FAM83B: variants seen among roughly 807,000 people sequenced by gnomAD.
FAM83B encodes scaffolding CK1 anchoring protein B, also known as protein FAM83B.
FAM83B carries 26 observed loss-of-function variants against 38.8 expected under a neutral mutation model. That is an observed-to-expected ratio of 0.67 (90% CI 0.49 to 0.93). The LOEUF (loss-of-function observed/expected upper bound fraction) is 0.93, where lower values mean the gene tolerates loss of function less well. Ranked by LOEUF, FAM83B falls within the 40% of genes least tolerant of loss-of-function variation. The pLI, the probability that FAM83B is intolerant of heterozygous loss-of-function variation, is 0.00. For missense variants in FAM83B, 1,237 were observed against 1,197.3 expected (o/e 1.03, Z -0.49); for synonymous variants, 419 against 423.1 (o/e 0.99, Z 0.12).
intron 4 of FAM83B, among the ~76,000 whole-genome samples, chr6:54,939,273 A>G (rs1773598901): frequency 6.6e-6 from 1 of 152,110 alleles, no homozygotes; most frequent in Non-Finnish European, 1.5e-5. Flanking sequence ...GCCTTGTAGT[A>G]TAATTTGAAG....
chr6:54,927,406 TA>T, intron 3 of FAM83B, 101 bp from the exon 4 acceptor site: 2 of 939,708 alleles, frequency 2.1e-6, no homozygotes, highest in Non-Finnish European at 2.9e-6. Flanking sequence ...TTACCTTAAG[TA>T]AATTTTTTTA....
At position 54,940,498 on chromosome 6, in the gene FAM83B, G is replaced by A. The variant is rs149380682; in HGVS notation, c.1527G>A (p.Pro509=). 84 of 1,613,998 alleles carry A rather than the reference G, an allele frequency of 5.2e-5. 1 individual carries two copies. Among genetic ancestry groups the A allele is most frequent in the South Asian group, 2.3e-4 (21 of 91,076 alleles). ...SYLNDHSEAT[P]DSNGSALGDR... is the part of the protein sequence containing the mutation. ...TAAATGATCATTCAGAAGCTACACC[G>A]GACTCAAATGGATCAGCTTTAGGTG... Residue 509 remains proline, a synonymous_variant, in exon 5 of 5, where the codon CCG becomes CCA. Coordinates refer to ENST00000306858, the MANE Select transcript of FAM83B (RefSeq NM_001010872.3).
intron 2 of FAM83B, among the ~76,000 whole-genome samples, chr6:54,898,202 A>G (rs1772581459): frequency 6.6e-6 from 1 of 152,098 alleles, no homozygotes; most frequent in Non-Finnish European, 1.5e-5. Flanking sequence ...GAGAGAAACA[A>G]CGGGTGCCTG....
rs1172992535 is a variant in FAM83B, at chr6:54,940,794, C to T, written c.1823C>T (p.Ala608Val). 6.2e-7 allele frequency: 1 copy of T among 1,613,894 alleles called. No individual in the cohort carries two copies. The highest frequency in any genetic ancestry group is 1.3e-5 in the African/African-American group (1 of 74,906). The change falls in exon 5 of 5, where the codon GCA (alanine) becomes GTA (valine). Residue 608 changes from alanine (A) to valine (V), a missense_variant. Coordinates refer to ENST00000306858, the MANE Select transcript of FAM83B (RefSeq NM_001010872.3). ...SIPKLPLQSE[A>V]PKMHTLQVPE... ...CCCAAGCTCCCATTGCAGTCAGAGG[C>T]ACCAAAAATGCACACCTTGCAGGTT...
chr6:54,877,206 A>G (rs967315846), intron 2 of FAM83B, among the ~76,000 whole-genome samples: 1 of 152,252 alleles, frequency 6.6e-6, no homozygotes, highest in African/African-American at 2.4e-5. Context: ...AGAAGAGATA[A>G]CTTGACCAGA....
At position 54,940,311 on chromosome 6, in the gene FAM83B, G is replaced by A. The variant is rs573151626; in HGVS notation, c.1340G>A (p.Arg447Gln). Residue 447 changes from arginine to glutamine, a missense_variant, in exon 5 of 5, where the codon CGG (arginine) becomes CAG (glutamine). Arg to Gln is a conservative substitution (Grantham distance 43). Transcript: ENST00000306858. ...HNTPAQSFAN[R>Q]LAQRKTTNLA... ...ACACCTGCCCAGAGTTTTGCCAATCGGCTTGCGCAGAGAAAAACAACAAAT... is the reference window on the plus strand; with the variant it reads ...ACACCTGCCCAGAGTTTTGCCAATCAGCTTGCGCAGAGAAAAACAACAAAT... 5.6e-6 allele frequency: 9 copies of A among 1,614,016 alleles called. No homozygotes were observed. Among genetic ancestry groups the A allele is most frequent in the Admixed American group, 1.7e-5 (1 of 59,972 alleles).
intron 2 of FAM83B, among the ~76,000 whole-genome samples, chr6:54,887,715 A>G (rs1188526298): frequency 6.6e-6 from 1 of 151,840 alleles, no homozygotes; most frequent in African/African-American, 2.4e-5. Flanking sequence ...TTGAAATTAC[A>G]TAACTATTTA....
At chr6:54,855,862 G>A (rs1440708112) in intron 1 of FAM83B, among the ~76,000 whole-genome samples, 1 of 152,118 alleles carries the variant, frequency 6.6e-6, no homozygotes, top group Non-Finnish European at 1.5e-5. Flanking sequence ...TTAAAGAAAT[G>A]AATCATCTTT....
chr6:54,908,353 G>C (rs1301819762), intron 2 of FAM83B, among the ~76,000 whole-genome samples: 1 of 151,756 alleles, frequency 6.6e-6, no homozygotes, highest in East Asian at 1.9e-4. Flanking sequence ...AATAGATAGG[G>C]TTCTTTCATT....
At chr6:54,912,173 A>G (rs939817749) in intron 2 of FAM83B, among the ~76,000 whole-genome samples, 16 of 152,128 alleles carry the variant, frequency 1.1e-4, no homozygotes, top group African/African-American at 3.8e-4. Context: ...AGTGTGATAC[A>G]TAAGGCTGTG....
At chr6:54,874,886 T>C (rs1771954803) in intron 2 of FAM83B, among the ~76,000 whole-genome samples, 1 of 152,150 alleles carries the variant, frequency 6.6e-6, no homozygotes, top group Admixed American at 6.5e-5. Flanking sequence ...CTGAGTCACT[T>C]ACTGAGTTCC....
At chr6:54,847,124 G>A (rs1771157090) in intron 1 of FAM83B, among the ~76,000 whole-genome samples, 2 of 152,174 alleles carry the variant, frequency 1.3e-5, no homozygotes, top group South Asian at 2.1e-4. Context: ...GTCCCCAGAG[G>A]ACTGGCGCCG....
chr6:54,857,590 T>C (rs904912449), intron 1 of FAM83B, among the ~76,000 whole-genome samples: 1 of 152,074 alleles, frequency 6.6e-6, no homozygotes, highest in African/African-American at 2.4e-5. Context: ...AATTTACTTG[T>C]AATGTAAGAG....
chr6:54,905,322 C>A (rs760322916), intron 2 of FAM83B, among the ~76,000 whole-genome samples: 83 of 152,198 alleles, frequency 5.5e-4, no homozygotes, highest in Middle Eastern at 3.4e-3. Flanking sequence ...GCTCTCAGTA[C>A]GTGTGCGATT....
intron 2 of FAM83B, among the ~76,000 whole-genome samples, chr6:54,877,177 G>A (rs758907478): frequency 6.6e-6 from 1 of 152,122 alleles, no homozygotes; most frequent in Non-Finnish European, 1.5e-5. Flanking sequence ...AGTCCAATAG[G>A]GAATGAAAGG....
intron 2 of FAM83B, among the ~76,000 whole-genome samples, chr6:54,881,963 T>A (rs1357855714): frequency 6.6e-6 from 1 of 152,178 alleles, no homozygotes; most frequent in Non-Finnish European, 1.5e-5. Flanking sequence ...CCACCCTGTG[T>A]CCCTGTGTTC....
intron 4 of FAM83B, among the ~76,000 whole-genome samples, chr6:54,936,918 G>C (rs964917270): frequency 4.5e-4 from 66 of 146,582 alleles, no homozygotes; most frequent in African/African-American, 1.6e-3. Flanking sequence ...AGTCAGCCCA[G>C]TGGCATAATA....
At chr6:54,863,530 C>T (rs1392865057) in intron 1 of FAM83B, among the ~76,000 whole-genome samples, 1 of 72,454 alleles carries the variant, frequency 1.4e-5, no homozygotes, top group Non-Finnish European at 3.2e-5. Flanking sequence ...GCCATCTTAC[C>T]AACTATGCCG....
intron 1 of FAM83B, among the ~76,000 whole-genome samples, chr6:54,855,377 AT>A (rs1434282159): frequency 2.6e-5 from 4 of 152,196 alleles, no homozygotes; most frequent in African/African-American, 4.8e-5. Flanking sequence ...ATGTCTGTTA[AT>A]GTCAGACAAA....
Sources: allele counts gnomAD v4.1 joint callset (sites outside exome capture counted in the v4.1 genomes callset), GRCh38; gene constraint gnomAD v4.1.1; transcripts MANE v1.5; gene names NCBI Gene and HGNC (gene_info 2026-07-23, HGNC 2026-07-21).